Variants in CACNA2D3 observed in about 807,000 individuals in gnomAD.
CACNA2D3 encodes the protein calcium voltage-gated channel auxiliary subunit alpha2delta 3.
CACNA2D3 carries 60 observed loss-of-function variants against 160.6 expected under a neutral mutation model. The ratio of observed to expected loss-of-function variants is 0.37; its 90% CI spans 0.30 to 0.46. The LOEUF (loss-of-function observed/expected upper bound fraction) is 0.46, where lower values mean the gene tolerates loss of function less well. CACNA2D3 is among the 20% of genes least tolerant of loss of function. The pLI is 1.00. For synonymous variants in CACNA2D3, 558 were observed against 492.9 expected (o/e 1.13, Z -1.75); for missense variants, 1,205 against 1,365.0 (o/e 0.88, Z 1.85).
At chr3:54,168,366 T>G (rs73844323) in intron 2 of CACNA2D3, among the ~76,000 whole-genome samples, 6,307 of 152,254 alleles carry the variant, frequency 0.041, 420 homozygotes, top group African/African-American at 0.14. Context: ...AAAATATCAT[T>G]GGAATTTTCT....
intron 11 of CACNA2D3, among the ~76,000 whole-genome samples, chr3:54,648,433 T>C (rs769324841): frequency 7.2e-5 from 11 of 152,218 alleles, no homozygotes; most frequent in Non-Finnish European, 2.9e-5. Flanking sequence ...TATCAAGCCC[T>C]TTAAGAATAT....
intron 12 of CACNA2D3, among the ~76,000 whole-genome samples, chr3:54,762,319 A>G (rs1030690412): frequency 1.3e-5 from 2 of 152,010 alleles, no homozygotes; most frequent in Non-Finnish European, 2.9e-5. Flanking sequence ...GTCCTTATTT[A>G]TATTCCTTGT....
intron 2 of CACNA2D3, among the ~76,000 whole-genome samples, chr3:54,203,233 G>T (rs970847673): frequency 1.3e-5 from 2 of 152,194 alleles, no homozygotes; most frequent in African/African-American, 4.8e-5. Flanking sequence ...AAAATGAAAC[G>T]GGAAGGGTCC....
chr3:54,412,387 T>C (rs1575441346), intron 4 of CACNA2D3, among the ~76,000 whole-genome samples: 1 of 152,098 alleles, frequency 6.6e-6, no homozygotes, highest in East Asian at 1.9e-4. Context: ...TTCTGATGGA[T>C]TTTTGTTCAT....
Position 54,800,020 on chromosome 3 carries a change from AT to A in CACNA2D3, c.1381-16826del, listed in dbSNP as rs963396299. ...ACATGACATGCATAAATTATGAAACATTTTTTTGCAAATTAAGTTTTAATTA... is the reference window on the plus strand; with the variant it reads ...ACATGACATGCATAAATTATGAAACATTTTTTGCAAATTAAGTTTTAATTA... On this transcript the variant is annotated intron_variant, in intron 13 of 37. Coordinates refer to ENST00000474759, the MANE Select transcript of CACNA2D3 (RefSeq NM_018398.3). Among the ~76,000 whole-genome samples, 19 of 152,276 alleles carry A rather than the reference AT, an allele frequency of 1.2e-4. No individual in the cohort carries two copies. The East Asian group carries it at 3.5e-3, about 28-fold the overall frequency.
At chr3:54,588,234 C>T (rs1575363816) in intron 9 of CACNA2D3, among the ~76,000 whole-genome samples, 1 of 152,124 alleles carries the variant, frequency 6.6e-6, no homozygotes, top group African/African-American at 2.4e-5. Flanking sequence ...TTAATTGACT[C>T]AGAAAAGGCA....
rs1559487547 is a variant in CACNA2D3, at chr3:54,461,590, A to AGG, written c.382-41902_382-41901insGG. 3.3e-5 allele frequency among the ~76,000 whole-genome samples: 5 copies of AGG among 151,542 alleles called. 1 individual carries two copies. Among genetic ancestry groups the AGG allele is most frequent in the Admixed American group, 2.0e-4 (3 of 15,246 alleles). On this transcript the variant is annotated intron_variant, in intron 4 of 37. Coordinates refer to ENST00000474759, the MANE Select transcript of CACNA2D3 (RefSeq NM_018398.3). ...GAGGTGTTTGTAGTATTCTCTCATG[A>AGG]TAGTTTGTATTTCTGTGGAATCGGT...
chr3:54,833,355 C>T (rs1287844986), intron 14 of CACNA2D3, among the ~76,000 whole-genome samples: 2 of 152,076 alleles, frequency 1.3e-5, no homozygotes, highest in Non-Finnish European at 1.5e-5. Context: ...GGGATTTTGC[C>T]CAGATGGACC....
At chr3:54,752,565 A>G (rs1438786943) in intron 11 of CACNA2D3, 34 bp from the exon 12 acceptor site, 2 of 1,542,402 alleles carry the variant, frequency 1.3e-6, no homozygotes, top group Non-Finnish European at 1.8e-6. Flanking sequence ...CGAAAAGTGA[A>G]TGCCGCTCAG....
At chr3:54,626,562 C>T in intron 9 of CACNA2D3, 9 of 1,590,038 alleles carry the variant, frequency 5.7e-6, no homozygotes, top group Non-Finnish European at 6.9e-6. Context: ...ACTACCTGGG[C>T]GAGTTCTCCA....
chr3:54,133,597 G>A (rs749053045), intron 2 of CACNA2D3, among the ~76,000 whole-genome samples: 12 of 152,150 alleles, frequency 7.9e-5, no homozygotes, highest in South Asian at 2.1e-4. Flanking sequence ...TTCATAATGC[G>A]GAACATAAAG....
Position 54,467,001 on chromosome 3 carries a change from C to T in CACNA2D3, c.382-36491C>T, listed in dbSNP as rs73089481. Among the ~76,000 whole-genome samples the T allele has an allele frequency of 9.7e-3, 1,484 of 152,254 alleles. 8 individuals are homozygous for T. Among genetic ancestry groups the T allele is most frequent in the Non-Finnish European group, 0.017 (1,154 of 68,016 alleles). ...TGGAAGTACCATTCAGTTCTCAATA[C>T]TAAGAATCAACTTTAAGTAACTTTT... On this transcript the variant is annotated intron_variant, in intron 4 of 37. Transcript: ENST00000474759.
Position 54,925,666 on chromosome 3 carries a change from A to G in CACNA2D3, c.2449+25798A>G, listed in dbSNP as rs1488662996. On this transcript the variant is annotated intron_variant, in intron 27 of 37. Transcript: ENST00000474759. The stretch of plus-strand genomic sequence containing the variant: ...CTGTCTAATACAACTTTCTGTGATG[A>G]TAGAAGTGTCCTACATCTGCTTTCC... Among the ~76,000 whole-genome samples the G allele has an allele frequency of 2.6e-5, 4 of 152,216 alleles. No homozygotes were observed. The East Asian group carries it at 7.7e-4, about 29-fold the overall frequency.
intron 13 of CACNA2D3, among the ~76,000 whole-genome samples, chr3:54,812,271 T>G (rs879708728): frequency 6.6e-6 from 1 of 152,206 alleles, no homozygotes; most frequent in Admixed American, 6.5e-5. Flanking sequence ...AAATTAGGGT[T>G]TCTGGTACTG....
intron 5 of CACNA2D3, among the ~76,000 whole-genome samples, chr3:54,526,600 G>A (rs990648280): frequency 6.6e-6 from 1 of 152,114 alleles, no homozygotes. Flanking sequence ...TTTTCAGAGG[G>A]TAATGCCTTG....
chr3:54,913,949 G>A (rs939259383), intron 27 of CACNA2D3, among the ~76,000 whole-genome samples: 2 of 152,164 alleles, frequency 1.3e-5, no homozygotes, highest in African/African-American at 4.8e-5. Context: ...GCACGAAATT[G>A]GGTGCTCAGT....
Position 54,637,874 on chromosome 3 carries a change from C to T in CACNA2D3, c.1054-4254C>T, listed in dbSNP as rs868335020. The stretch of plus-strand genomic sequence containing the variant: ...TCAGTGGGGTCCCACACAGATGGGA[C>T]GCGGCTTAGGAGGAATCCCGGGCTG... On this transcript the variant is annotated intron_variant, in intron 10 of 37. Transcript: ENST00000474759. 28 of 152,092 alleles carry T rather than the reference C, an allele frequency of 1.8e-4. No individual in the cohort carries two copies. The East Asian group carries it at 4.2e-3, about 23-fold the overall frequency. 9.4% of individuals were successfully genotyped at this position (152,092 alleles called of 1,614,324 possible). A position where few individuals can be genotyped will look rare whatever the true frequency, so the allele number is the denominator to read the frequency against.
intron 11 of CACNA2D3, among the ~76,000 whole-genome samples, chr3:54,740,863 A>G (rs1287849353): frequency 1.3e-5 from 2 of 152,214 alleles, no homozygotes; most frequent in South Asian, 2.1e-4. Flanking sequence ...GTTGGTTTTA[A>G]TGAGTCTGAG....
intron 8 of CACNA2D3, among the ~76,000 whole-genome samples, chr3:54,575,978 G>C (rs1299299778): frequency 6.6e-6 from 1 of 152,166 alleles, no homozygotes; most frequent in African/African-American, 2.4e-5. Flanking sequence ...AAATGAATGA[G>C]ACTGGATGGA....
Sources: gnomAD v4.1 joint callset for allele counts (sites outside exome capture counted in the v4.1 genomes callset) on GRCh38, gnomAD v4.1.1 for gene constraint, MANE v1.5 for transcripts, NCBI Gene and HGNC (gene_info 2026-07-23, HGNC 2026-07-21) for gene names.